SPTA1: variants seen among roughly 807,000 people sequenced by gnomAD.
SPTA1 encodes spectrin alpha chain, erythrocytic 1.
Under a neutral mutation model 324.7 loss-of-function variants are expected in SPTA1, and 177 were observed. The ratio of observed to expected loss-of-function variants is 0.55; its 90% confidence interval spans 0.48 to 0.62. The LOEUF (loss-of-function observed/expected upper bound fraction) is 0.62, where lower values mean the gene tolerates loss of function less well. Ranked by LOEUF, SPTA1 falls within the 20% of genes least tolerant of loss-of-function variation. The pLI is 0.00. For synonymous variants in SPTA1, 1,195 were observed against 1,041.3 expected, an observed-to-expected ratio of 1.15 and a Z score of -2.84; for missense variants, 3,162 against 2,883.6, an observed-to-expected ratio of 1.10 and a Z score of -2.21.
In SPTA1 at chr1:158,676,171, C is replaced by G. The variant is rs757633893; in HGVS notation, c.1082G>C (p.Ser361Thr). The G allele has an allele frequency of 6.2e-7, 1 of 1,613,682 alleles. No individual in the cohort carries two copies. Among genetic ancestry groups the G allele is most frequent in the Non-Finnish European group, 8.5e-7 (1 of 1,179,748 alleles). The change falls in exon 8 of 52, where the codon AGC becomes ACC. Residue 361 changes from serine to threonine, a missense_variant. Coordinates refer to ENST00000643759, the MANE Select transcript of SPTA1 (RefSeq NM_003126.4). ...SWEHIRALAT[S>T]RYEKLQATYW... ...AGTAGCCTGCAGTTTTTCATATCTGCTGGTGGCCAGGGCACGAATATGCTC... is the reference window on the plus strand; with the variant it reads ...AGTAGCCTGCAGTTTTTCATATCTGGTGGTGGCCAGGGCACGAATATGCTC...
Position 158,621,146 on chromosome 1 carries a change from G to A in SPTA1, c.6121-680C>T, listed in dbSNP as rs544663847. On this transcript the variant is annotated intron_variant, in intron 43 of 51. Coordinates refer to ENST00000643759, the MANE Select transcript of SPTA1 (RefSeq NM_003126.4). The stretch of plus-strand genomic sequence containing the variant: ...CTGTCTGGCATTATCCAAGTGCTCT[G>A]AATAGCTCTGAATTTTCTGTATTAC... Among the ~76,000 whole-genome samples the A allele has an allele frequency of 9.9e-5, 15 of 152,230 alleles. 1 individual carries two copies. In the South Asian group the frequency reaches 3.1e-3, roughly 32 times the overall value.
intron 1 of SPTA1, 87 bp from the exon 2 acceptor site, chr1:158,685,434 G>A: frequency 6.4e-7 from 1 of 1,565,270 alleles, no homozygotes; most frequent in Non-Finnish European, 8.7e-7. Context: ...GTTTACTCAT[G>A]TTGGACCTAT....
At chr1:158,671,219 G>A in intron 12 of SPTA1, 124 bp downstream of exon 12, 1 of 727,768 alleles carries the variant, frequency 1.4e-6, no homozygotes, top group South Asian at 1.5e-5. Flanking sequence ...GATGCAACTT[G>A]ATTAGGGATA....
chr1:158,622,784 CTAAT>C, intron 43 of SPTA1, 195 bp downstream of exon 43: 1 of 558,686 alleles, frequency 1.8e-6, no homozygotes, highest in East Asian at 3.2e-5. Flanking sequence ...AGTTATGCAA[CTAAT>C]CAATCAATCT....
chr1:158,644,724 A>G lies in SPTA1; in HGVS notation c.4195-328T>C, dbSNP rs146638422. Among the ~76,000 whole-genome samples, 1,093 of 152,278 alleles carry G rather than the reference A, an allele frequency of 7.2e-3. 8 individuals are homozygous for G. Among genetic ancestry groups the G allele is most frequent in the Non-Finnish European group, 0.012 (815 of 68,004 alleles). On this transcript the variant is annotated intron_variant, in intron 29 of 51. Transcript: ENST00000643759. ...TGTGACACAACCACTTACTTCCCCC[A>G]AAAGCTTTAATCACTTCTTGTTTTT... is the stretch of plus-strand genomic sequence containing the variant.
Position 158,644,325 on chromosome 1 carries a change from G to T in SPTA1, c.4266C>A (p.Asp1422Glu). ...VARENSLRSDDKSSLDSLEAL... is the reference protein window; with the variant it reads ...VARENSLRSDEKSSLDSLEAL... The stretch of plus-strand genomic sequence containing the variant: ...CCTCCAGACTGTCTAAGGAACTTTT[G>T]TCATCTGACCTCAGGGAATTCTCAC... Residue 1422 changes from aspartate to glutamate, a missense_variant, in exon 30 of 52, where the codon GAC becomes GAA. Coordinates refer to ENST00000643759, the MANE Select transcript of SPTA1 (RefSeq NM_003126.4). 1 of 1,613,878 alleles carries T rather than the reference G, an allele frequency of 6.2e-7. No individual in the cohort carries two copies. The highest frequency in any genetic ancestry group is 8.5e-7 in the Non-Finnish European group (1 of 1,179,892).
At chr1:158,623,579 A>G (rs1650063692) in intron 42 of SPTA1, among the ~76,000 whole-genome samples, 1 of 152,028 alleles carries the variant, frequency 6.6e-6, no homozygotes, top group Non-Finnish European at 1.5e-5. Context: ...ACAAGATCTG[A>G]TGGTTTTATA....
intron 47 of SPTA1, among the ~76,000 whole-genome samples, chr1:158,615,665 T>C (rs1002920810): frequency 1.3e-5 from 2 of 151,766 alleles, no homozygotes; most frequent in African/African-American, 2.4e-5. Context: ...CACACACACA[T>C]ACATCTATAT....
chr1:158,653,855 A>G (rs898879629), intron 21 of SPTA1, among the ~76,000 whole-genome samples: 2 of 152,200 alleles, frequency 1.3e-5, no homozygotes, highest in Admixed American at 1.3e-4. Flanking sequence ...TTGCTCTGAC[A>G]TTCATATACC....
In SPTA1 at chr1:158,618,058, T is replaced by C. The variant is rs1649685395; in HGVS notation, c.6531-2A>G. The stretch of plus-strand genomic sequence containing the variant: ...ACTGACCCATCCAGAAAGTAAGCCC[T>C]GGACATGGAGGTCCGGAACAGGAAT... On this transcript the variant is annotated splice_acceptor_variant, in intron 45 of 51. Transcript: ENST00000643759. LOFTEE classifies it high-confidence loss of function. 6.2e-7 allele frequency: 1 copy of C among 1,611,696 alleles called. No homozygotes were observed. Among genetic ancestry groups the C allele is most frequent in the Non-Finnish European group, 8.5e-7 (1 of 1,177,730 alleles).
At chr1:158,671,717 A>G (rs1571507175) in intron 11 of SPTA1, among the ~76,000 whole-genome samples, 1 of 152,026 alleles carries the variant, frequency 6.6e-6, no homozygotes, top group Non-Finnish European at 1.5e-5. Flanking sequence ...AGCTCTCAAA[A>G]CTGCCTCAAG....
chr1:158,612,708 A>T, intron 51 of SPTA1, 109 bp downstream of exon 51: 10 of 957,932 alleles, frequency 1.0e-5, no homozygotes, highest in Non-Finnish European at 1.5e-6. Flanking sequence ...GGGAGGTCTG[A>T]AAAAAAAAAA....
intron 20 of SPTA1, among the ~76,000 whole-genome samples, chr1:158,655,860 C>T (rs530643054): frequency 6.6e-6 from 1 of 152,274 alleles, no homozygotes; most frequent in South Asian, 2.1e-4. Context: ...CATTCTTAAC[C>T]AATTGCATTT....
At chr1:158,632,295 G>GT (rs1213592008) in intron 39 of SPTA1, among the ~76,000 whole-genome samples, 1 of 152,142 alleles carries the variant, frequency 6.6e-6, no homozygotes, top group South Asian at 2.1e-4. Flanking sequence ...AAAAATTGAA[G>GT]TTTTACTAAC....
chr1:158,669,861 GT>G, intron 12 of SPTA1, 75 bp from the exon 13 acceptor site: 1 of 1,443,386 alleles, frequency 6.9e-7, no homozygotes, highest in South Asian at 1.1e-5. Context: ...TTGGGTAGCT[GT>G]TTAAAGATGA....
At chr1:158,619,561 C>A (rs906379231) in intron 44 of SPTA1, among the ~76,000 whole-genome samples, 2 of 152,074 alleles carry the variant, frequency 1.3e-5, no homozygotes, top group African/African-American at 4.8e-5. Context: ...CCTCTAAGAC[C>A]AAGTCCCGTA....
intron 25 of SPTA1, among the ~76,000 whole-genome samples, chr1:158,649,515 G>C (rs937969222): frequency 6.6e-6 from 1 of 152,020 alleles, no homozygotes; most frequent in African/African-American, 2.4e-5. Context: ...TACAACTCTC[G>C]GCCTAAAGCA....
In SPTA1 at chr1:158,649,849, T is replaced by G. The variant is rs548566511; in HGVS notation, c.3569+7A>C. The G allele has an allele frequency of 5.7e-5, 92 of 1,610,978 alleles. No homozygotes were observed. In the South Asian group the frequency reaches 9.2e-4, roughly 16 times the overall value. ...GCAGCACTGCTTTTTAGAGTTATAA[T>G]TATTACCTGTGAAACACTTCAACAG... On this transcript the variant is annotated splice_region_variant and intron_variant, in intron 25 of 51. Transcript: ENST00000643759.
At chr1:158,685,612 T>C (rs750996626) in intron 1 of SPTA1, among the ~76,000 whole-genome samples, 22 of 152,138 alleles carry the variant, frequency 1.4e-4, no homozygotes, top group Non-Finnish European at 2.4e-4. Flanking sequence ...TCTATAGATA[T>C]AATTATATTG....
Sources: allele counts gnomAD v4.1 joint callset (sites outside exome capture counted in the v4.1 genomes callset), GRCh38; gene constraint gnomAD v4.1.1; transcripts MANE v1.5; gene names NCBI Gene and HGNC (gene_info 2026-07-23, HGNC 2026-07-21).